Variants in PLEKHA1 observed in about 807,000 individuals in gnomAD.
PLEKHA1 encodes the protein pleckstrin homology domain containing A1.
PLEKHA1 carries 34 observed loss-of-function variants against 52.0 expected under a neutral mutation model. That is an observed-to-expected ratio of 0.65 (90% CI 0.50 to 0.87). PLEKHA1 has a LOEUF of 0.87. Among genes scored for constraint, PLEKHA1 ranks in the 40% least tolerant of loss-of-function variants. PLEKHA1 has a pLI of 0.00. For synonymous variants in PLEKHA1, 163 were observed against 170.7 expected, an observed-to-expected ratio of 0.95 and a Z score of 0.35; for missense variants, 497 against 504.2, an observed-to-expected ratio of 0.99 and a Z score of 0.14.
At chr10:122,434,016 G>T (rs747690411), downstream of PLEKHA1, 1 of 152,110 alleles carries the variant, frequency 6.6e-6, no homozygotes, top group Non-Finnish European at 1.5e-5. Context: ...TCTTGTTCAC[G>T]CCAGCCATGG....
intron 1 of PLEKHA1, among the ~76,000 whole-genome samples, chr10:122,377,502 C>T (rs946110403): frequency 1.4e-4 from 21 of 152,152 alleles, no homozygotes; most frequent in Non-Finnish European, 1.0e-4. Context: ...TGTGAGTACA[C>T]ATCCAGCATT....
chr10:122,410,679 G>A (rs554863550), intron 5 of PLEKHA1, among the ~76,000 whole-genome samples: 25 of 152,262 alleles, frequency 1.6e-4, no homozygotes, highest in Non-Finnish European at 3.2e-4. Flanking sequence ...CAAATTAGAA[G>A]CAGTGAGCTT....
chr10:122,409,803 CAG>C (rs1476957581), intron 5 of PLEKHA1, among the ~76,000 whole-genome samples: 1 of 147,604 alleles, frequency 6.8e-6, no homozygotes, highest in Non-Finnish European at 1.5e-5. Flanking sequence ...TTTTTTGAGA[CAG>C]AGTCTCGCTG....
At chr10:122,390,426 T>G (rs2096760148) in intron 1 of PLEKHA1, among the ~76,000 whole-genome samples, 1 of 152,212 alleles carries the variant, frequency 6.6e-6, no homozygotes, top group Non-Finnish European at 1.5e-5. Context: ...TTTTGGTCTG[T>G]CTCAGCTTTT....
chr10:122,392,130 G>A (rs960136080), intron 1 of PLEKHA1, among the ~76,000 whole-genome samples: 8 of 152,208 alleles, frequency 5.3e-5, no homozygotes, highest in Non-Finnish European at 7.4e-5. Context: ...ACAGTTCTTG[G>A]CACCTAATGG....
intron 1 of PLEKHA1, among the ~76,000 whole-genome samples, chr10:122,376,522 A>G (rs926531410): frequency 5.1e-5 from 6 of 118,122 alleles, no homozygotes; most frequent in African/African-American, 1.4e-4. Context: ...ATATATATAT[A>G]TATATATATA....
At chr10:122,392,799 G>A (rs1441665711) in intron 1 of PLEKHA1, among the ~76,000 whole-genome samples, 1 of 152,086 alleles carries the variant, frequency 6.6e-6, no homozygotes, top group Non-Finnish European at 1.5e-5. Flanking sequence ...TTTAACTTTT[G>A]TTGTTTTGTG....
chr10:122,424,301 A>G, intron 9 of PLEKHA1, 38 bp downstream of exon 9: 3 of 1,563,166 alleles, frequency 1.9e-6, no homozygotes, highest in Non-Finnish European at 1.7e-6. Context: ...GGCACAAGTT[A>G]TAAACACAGA....
chr10:122,419,942 T>C (rs1590850191), intron 8 of PLEKHA1: 1 of 152,234 alleles, frequency 6.6e-6, no homozygotes, highest in East Asian at 1.9e-4. Context: ...CTTAGCAGTA[T>C]GTCTTAGAGT....
intron 2 of PLEKHA1, among the ~76,000 whole-genome samples, chr10:122,394,153 C>T (rs2096818000): frequency 7.0e-6 from 1 of 143,820 alleles, no homozygotes; most frequent in African/African-American, 2.6e-5. Context: ...TGACTCACTG[C>T]AGCCTCTGCC....
At chr10:122,436,753 C>T (rs1406630961), downstream of PLEKHA1, 1 of 152,092 alleles carries the variant, frequency 6.6e-6, no homozygotes, top group Non-Finnish European at 1.5e-5. Context: ...TGGAGAGGGC[C>T]TTTGGGGGGT....
chr10:122,442,528 A>G, the PLEKHA1 span: 1 of 152,178 alleles, frequency 6.6e-6, no homozygotes, highest in African/African-American at 2.4e-5. Context: ...GTGTGTGTAA[A>G]AATCTGTAGC....
intron 1 of PLEKHA1, among the ~76,000 whole-genome samples, chr10:122,392,750 C>T (rs549373658): frequency 6.6e-6 from 1 of 152,224 alleles, no homozygotes; most frequent in South Asian, 2.1e-4. Flanking sequence ...GGAAAAGAAC[C>T]TTGTACAGAG....
chr10:122,384,134 T>C (rs1032065436), intron 1 of PLEKHA1, among the ~76,000 whole-genome samples: 14 of 152,226 alleles, frequency 9.2e-5, no homozygotes, highest in African/African-American at 3.4e-4. Context: ...ATATCTCTCT[T>C]GGTACAATGT....
chr10:122,422,653 G>A (rs1484035901), intron 8 of PLEKHA1: 1 of 152,244 alleles, frequency 6.6e-6, no homozygotes, highest in East Asian at 1.9e-4. Flanking sequence ...CGACATGACA[G>A]CTACATACAT....
intron 6 of PLEKHA1, among the ~76,000 whole-genome samples, chr10:122,414,389 T>C (rs1313902000): frequency 6.6e-6 from 1 of 152,084 alleles, no homozygotes; most frequent in Non-Finnish European, 1.5e-5. Flanking sequence ...TATTTTGTAG[T>C]ATAGTTTTAA....
At chr10:122,419,937 C>T (rs1487601410) in intron 8 of PLEKHA1, 2 of 152,196 alleles carry the variant, frequency 1.3e-5, no homozygotes, top group East Asian at 1.9e-4. Flanking sequence ...GAAATCTTAG[C>T]AGTATGTCTT....
chr10:122,425,199 C>A, intron 10 of PLEKHA1: 1 of 328,424 alleles, frequency 3.0e-6, no homozygotes, highest in Non-Finnish European at 5.5e-6. Flanking sequence ...AAGGGAAATG[C>A]TTTTAATTTA....
intron 4 of PLEKHA1, among the ~76,000 whole-genome samples, chr10:122,403,700 T>C (rs2096963196): frequency 1.3e-5 from 2 of 150,786 alleles, no homozygotes; most frequent in South Asian, 4.2e-4. Flanking sequence ...TGCTTTCCCC[T>C]TTTTTTTTCT....
Sources: allele counts gnomAD v4.1 joint callset (sites outside exome capture counted in the v4.1 genomes callset), GRCh38; gene constraint gnomAD v4.1.1; transcripts MANE v1.5; gene names NCBI Gene and HGNC (gene_info 2026-07-23, HGNC 2026-07-21).